Variants in ST6GAL2 observed in about 807,000 individuals in gnomAD.
The protein encoded by ST6GAL2 is beta-galactoside alpha-2,6-sialyltransferase 2.
In ST6GAL2, 24 loss-of-function variants were observed where a neutral mutation model predicts 37.5. The observed-to-expected ratio is 0.64, with a 90% CI of 0.46 to 0.90. ST6GAL2 has a LOEUF of 0.90. ST6GAL2 is among the 40% of genes least tolerant of loss of function. The pLI is 0.00. For synonymous variants in ST6GAL2, 306 were observed against 295.1 expected (o/e 1.04, Z -0.38); for missense variants, 715 against 712.7 (o/e 1.00, Z -0.04).
intron 5 of ST6GAL2, 32 bp downstream of exon 5, chr2:106,830,034 C>G: frequency 1.2e-6 from 2 of 1,600,232 alleles, no homozygotes; most frequent in Non-Finnish European, 1.7e-6. Flanking sequence ...TGTCTGCCCC[C>G]CAATCATTCC....
intron 1 of ST6GAL2, among the ~76,000 whole-genome samples, chr2:106,874,894 A>G (rs1297783803): frequency 6.6e-6 from 1 of 152,228 alleles, no homozygotes; most frequent in Non-Finnish European, 1.5e-5. Flanking sequence ...CTTCCTCTTC[A>G]GGAAACAGAC....
At chr2:106,887,171 G>T (rs1236584307), upstream of ST6GAL2, 1 of 152,398 alleles carries the variant, frequency 6.6e-6, no homozygotes, top group African/African-American at 2.4e-5. Context: ...GGCTACCTGC[G>T]CGCCTGGCAG....
chr2:106,872,729 G>A (rs944032142), intron 1 of ST6GAL2, among the ~76,000 whole-genome samples: 1 of 152,026 alleles, frequency 6.6e-6, no homozygotes, highest in Non-Finnish European at 1.5e-5. Context: ...AGCCTCCTGA[G>A]TAGCTGGGAT....
chr2:106,869,290 G>A (rs1678163532), intron 1 of ST6GAL2, among the ~76,000 whole-genome samples: 2 of 152,138 alleles, frequency 1.3e-5, no homozygotes, highest in South Asian at 4.1e-4. Flanking sequence ...GTGGGCCTCT[G>A]GCAGCTTCCT....
intron 1 of ST6GAL2, among the ~76,000 whole-genome samples, chr2:106,856,754 A>G (rs1677591858): frequency 6.6e-6 from 1 of 152,220 alleles, no homozygotes; most frequent in African/African-American, 2.4e-5. Flanking sequence ...CAGTCAAAAT[A>G]AGGACATTTG....
At chr2:106,833,997 T>C in intron 3 of ST6GAL2, 52 bp downstream of exon 3, 1 of 1,340,118 alleles carries the variant, frequency 7.5e-7, no homozygotes, top group South Asian at 1.2e-5. Flanking sequence ...TCTTCACTCA[T>C]CCAGTTAAAC....
At chr2:106,823,437 C>G (rs964309505) in intron 5 of ST6GAL2, among the ~76,000 whole-genome samples, 3 of 62,202 alleles carry the variant, frequency 4.8e-5, no homozygotes, top group Non-Finnish European at 7.5e-5. Flanking sequence ...CTTTTCCCAG[C>G]AGAAAACACA....
rs961515911 is a variant in ST6GAL2 at position 106,843,672 on chromosome 2, G to C, written c.306C>G (p.Ser102=). The C allele has an allele frequency of 2.5e-6, 4 of 1,613,368 alleles. No homozygotes were observed. Among genetic ancestry groups the C allele is most frequent in the Non-Finnish European group, 3.4e-6 (4 of 1,180,018 alleles). The part of the protein sequence containing the change: ...GPGDLQKWAQ[S]QDGFEHKEFF... Reference sequence around the variant, plus strand: ...ACTCTTTATGTTCAAACCCATCTTGGGACTGGGCCCATTTCTGCAGGTCTC... The same window carrying C: ...ACTCTTTATGTTCAAACCCATCTTGCGACTGGGCCCATTTCTGCAGGTCTC... The change falls in exon 2 of 6, where the codon TCC becomes TCG. Residue 102 remains serine (S), a synonymous_variant. Transcript: ENST00000409382.
chr2:106,873,420 G>T (rs931774907), intron 1 of ST6GAL2, among the ~76,000 whole-genome samples: 8 of 152,200 alleles, frequency 5.3e-5, no homozygotes, highest in African/African-American at 1.9e-4. Flanking sequence ...TGGGCAGGCA[G>T]CATAATAACA....
chr2:106,813,642 T>A (rs1426804078), intron 5 of ST6GAL2, among the ~76,000 whole-genome samples: 1 of 152,222 alleles, frequency 6.6e-6, no homozygotes, highest in African/African-American at 2.4e-5. Flanking sequence ...ATATTTAAAA[T>A]AACATCCCAA....
chr2:106,808,033 G>T (rs1482005930), intron 5 of ST6GAL2, among the ~76,000 whole-genome samples: 1 of 152,100 alleles, frequency 6.6e-6, no homozygotes. Context: ...TTTCTGAAAG[G>T]GATGTCCCTT....
At chr2:106,834,732 C>T (rs1676562964) in intron 2 of ST6GAL2, 1 of 152,462 alleles carries the variant, frequency 6.6e-6, no homozygotes, top group Non-Finnish European at 1.5e-5. Flanking sequence ...TGAGAGCAAC[C>T]TTAAGAGCAT....
At chr2:106,849,626 G>A (rs1390219156) in intron 1 of ST6GAL2, among the ~76,000 whole-genome samples, 2 of 152,144 alleles carry the variant, frequency 1.3e-5, no homozygotes, top group Non-Finnish European at 2.9e-5. Flanking sequence ...GGCCTTTCCT[G>A]GACCTAGGAG....
intron 1 of ST6GAL2, among the ~76,000 whole-genome samples, chr2:106,870,952 G>A (rs1168759191): frequency 6.6e-6 from 1 of 152,154 alleles, no homozygotes; most frequent in Non-Finnish European, 1.5e-5. Context: ...ATATAGTCAT[G>A]CCATGCTAAT....
chr2:106,824,502 C>T (rs1051683523), intron 5 of ST6GAL2, among the ~76,000 whole-genome samples: 3 of 152,000 alleles, frequency 2.0e-5, no homozygotes, highest in African/African-American at 4.8e-5. Flanking sequence ...CACGGTGGCA[C>T]GCGCCTGTAG....
intron 5 of ST6GAL2, among the ~76,000 whole-genome samples, chr2:106,822,119 A>AT (rs1343616721): frequency 1.3e-5 from 2 of 152,190 alleles, no homozygotes; most frequent in African/African-American, 4.8e-5. Context: ...GCCCACTTTC[A>AT]TCACTGTTAT....
At position 106,833,391 on chromosome 2, in the gene ST6GAL2, C is replaced by A. The variant is rs562797236; in HGVS notation, c.1041+658G>T. On this transcript the variant is annotated intron_variant, in intron 3 of 5. Coordinates refer to ENST00000409382, the MANE Select transcript of ST6GAL2 (RefSeq NM_001142351.2). The stretch of plus-strand genomic sequence containing the variant: ...AAGGAAATATGGTAATTGTTTCTTA[C>A]CTTGCGGCAGGCTGCCTGGTGCAGT... Among the ~76,000 whole-genome samples the A allele has an allele frequency of 1.8e-4, 28 of 152,234 alleles. No individual in the cohort carries two copies. In the South Asian group the frequency reaches 5.2e-3, roughly 28 times the overall value.
intron 1 of ST6GAL2, among the ~76,000 whole-genome samples, chr2:106,880,213 AT>A (rs1678691693): frequency 6.6e-6 from 1 of 152,146 alleles, no homozygotes; most frequent in Admixed American, 6.5e-5. Context: ...GGTTTTAATT[AT>A]TTTGCCTATG....
At chr2:106,830,372 C>T in intron 4 of ST6GAL2, 132 bp from the exon 5 acceptor site, 1 of 685,752 alleles carries the variant, frequency 1.5e-6, no homozygotes, top group East Asian at 2.6e-5. Context: ...TGACTCATGA[C>T]ATCTACAGAC....
Sources: allele counts gnomAD v4.1 joint callset (sites outside exome capture counted in the v4.1 genomes callset), GRCh38; gene constraint gnomAD v4.1.1; transcripts MANE v1.5; gene names NCBI Gene and HGNC (gene_info 2026-07-23, HGNC 2026-07-21).